Variants in CPT1B observed in about 807,000 individuals in gnomAD.
CPT1B encodes the protein carnitine palmitoyltransferase 1B.
Under a neutral mutation model 92.7 loss-of-function variants are expected in CPT1B, and 57 were observed. The ratio of observed to expected loss-of-function variants is 0.62; its 90% CI spans 0.50 to 0.77. CPT1B has a LOEUF of 0.77. Among genes scored for constraint, CPT1B ranks in the 30% least tolerant of loss-of-function variants. The pLI is 0.00. For missense variants in CPT1B, 983 were observed against 1,017.4 expected (o/e 0.97, Z 0.46); for synonymous variants, 398 against 383.5 (o/e 1.04, Z -0.44).
At chr22:50,577,489 T>A (rs774662034) in intron 2 of CPT1B, 26 bp from the exon 3 acceptor site, 1 of 1,612,170 alleles carries the variant, frequency 6.2e-7, no homozygotes, top group Non-Finnish European at 8.5e-7. Flanking sequence ...GGCGCCCTTA[T>A]GGAGCCGGAA....
rs1397436572 is a variant in CPT1B at position 50,577,046 on chromosome 22, G to A, written c.282-12C>T. ...GGTAGGGGCCACACCTATTGGAGAG[G>A]GGCAAGGGCTGCAGGGGGTCCTCTT... On this transcript the variant is annotated splice_polypyrimidine_tract_variant and intron_variant, in intron 3 of 19. Coordinates refer to ENST00000312108, the MANE Select transcript of CPT1B (RefSeq NM_152246.3). 5 of 1,613,056 alleles carry A rather than the reference G, an allele frequency of 3.1e-6. No individual in the cohort carries two copies. The highest frequency in any genetic ancestry group is 1.3e-5 in the African/African-American group (1 of 74,902).
chr22:50,569,837 T>C (rs1363831216), intron 17 of CPT1B, among the ~76,000 whole-genome samples, 169 bp from the exon 18 acceptor site: 2 of 152,186 alleles, frequency 1.3e-5, no homozygotes, highest in African/African-American at 4.8e-5. Flanking sequence ...AACCAAAGAA[T>C]GCTGCCCAGA....
Position 50,573,500 on chromosome 22 carries a change from C to T in CPT1B, c.1166+20G>A, listed in dbSNP as rs1417700091. ...GCCCTGAACTCAGGGTGGGGACAGT[C>T]CCTTCCTAGAGGCCAATACCTTCCT... On this transcript the variant is annotated intron_variant, in intron 10 of 19. Coordinates refer to ENST00000312108, the MANE Select transcript of CPT1B (RefSeq NM_152246.3). The surrounding 1 kb of genome is among the most constrained non-coding windows in gnomAD (Gnocchi z 5.0). 30 of 1,588,144 alleles carry T rather than the reference C, an allele frequency of 1.9e-5. No individual in the cohort carries two copies. The highest frequency in any genetic ancestry group is 2.6e-5 in the Non-Finnish European group (30 of 1,164,852).
intron 2 of CPT1B, 89 bp downstream of exon 2, chr22:50,577,686 G>A: frequency 5.2e-6 from 8 of 1,552,108 alleles, no homozygotes; most frequent in Non-Finnish European, 7.0e-6. Context: ...AGAAGTGCCA[G>A]CCAAGGAGGC....
chr22:50,572,279 G>A lies in CPT1B; in HGVS notation c.1382C>T (p.Ser461Phe). 1.9e-6 allele frequency: 3 copies of A among 1,613,840 alleles called. No homozygotes were observed. The highest frequency in any genetic ancestry group is 2.5e-6 in the Non-Finnish European group (3 of 1,179,852). ...RWFDKSFTLI[S>F]FKNGQLGLNA... ...GAGACCCAACTGGCCATTCTTGAAG[G>A]AAATGAGAGTGAAGGATTTGTCAAA... Residue 461 changes from serine to phenylalanine, a missense_variant, in exon 12 of 20, where the codon TCC becomes TTC. Ser to Phe is a radical substitution (Grantham distance 155). Coordinates refer to ENST00000312108, the MANE Select transcript of CPT1B (RefSeq NM_152246.3).
chr22:50,574,361 G>C lies in CPT1B; in HGVS notation c.944C>G (p.Thr315Ser), dbSNP rs201769569. 6 of 1,613,794 alleles carry C rather than the reference G, an allele frequency of 3.7e-6. No individual in the cohort carries two copies. Among genetic ancestry groups the C allele is most frequent in the South Asian group, 1.1e-5 (1 of 91,044 alleles). Reference sequence around the variant, plus strand: ...TGTGTCCTTGCCCGGGATCCGAGTGGTGTTGAACATCCTCTCCATCTGGTA... The same window carrying C: ...TGTGTCCTTGCCCGGGATCCGAGTGCTGTTGAACATCCTCTCCATCTGGTA... ...CSYQMERMFN[T>S]TRIPGKDTDV... The change falls in exon 9 of 20, where the codon ACC becomes AGC. Residue 315 changes from threonine to serine, a missense_variant. Coordinates refer to ENST00000312108, the MANE Select transcript of CPT1B (RefSeq NM_152246.3).
In CPT1B at chr22:50,570,985, C is replaced by A. The variant is rs767195024; in HGVS notation, c.1934G>T (p.Arg645Leu). 1.2e-6 allele frequency: 2 copies of A among 1,614,022 alleles called. No homozygotes were observed. The highest frequency in any genetic ancestry group is 3.3e-5 in the Admixed American group (2 of 60,032). ...GATCCCTGCCCCGGTCATGGCCAGG[C>A]GGTACATATTCTGGTGCTTCTTAGC... ...KAAKKHQNMY[R>L]LAMTGAGIDR... Residue 645 changes from arginine to leucine, a missense_variant, in exon 16 of 20, where the codon CGC (arginine) becomes CTC (leucine). Physicochemically the swap from Arg to Leu is moderately radical, Grantham distance 102. Transcript: ENST00000312108.
upstream of CPT1B, chr22:50,578,590 C>G (rs1396600681): frequency 6.3e-6 from 1 of 159,652 alleles, no homozygotes; most frequent in South Asian, 1.8e-4. Flanking sequence ...GGTTTCTGTG[C>G]GGTGAAGGTT....
Position 50,573,785 on chromosome 22 carries a change from T to C in CPT1B, c.971-70A>G. On this transcript the variant is annotated intron_variant, in intron 9 of 19. Coordinates refer to ENST00000312108, the MANE Select transcript of CPT1B (RefSeq NM_152246.3). This position sits in a 1 kb window ranked among gnomAD's most constrained non-coding sequence, Gnocchi z 5.0. Reference sequence around the variant, plus strand: ...CATCCTGGGAAGGGCCCACCTCCCATGCACTAGGTGACCCCTGCAGACCCT... The same window carrying C: ...CATCCTGGGAAGGGCCCACCTCCCACGCACTAGGTGACCCCTGCAGACCCT... The C allele has an allele frequency of 7.2e-7, 1 of 1,382,016 alleles. No homozygotes were observed. The highest frequency in any genetic ancestry group is 1.0e-6 in the Non-Finnish European group (1 of 987,790). The allele number at this position is 1,382,016 out of a possible 1,614,324, so 85.6% of individuals were successfully genotyped here. A position where few individuals can be genotyped will look rare whatever the true frequency, so the allele number is the denominator to read the frequency against.
intron 7 of CPT1B, chr22:50,575,126 G>C (rs1207141992): frequency 6.6e-6 from 1 of 152,216 alleles, no homozygotes; most frequent in Non-Finnish European, 1.5e-5. Flanking sequence ...CCATTTGCCT[G>C]CCTCAGCCTC....
At chr22:50,574,443 C>T (rs371063446) in intron 8 of CPT1B, 24 bp from the exon 9 acceptor site, 28 of 1,613,850 alleles carry the variant, frequency 1.7e-5, no homozygotes, top group Middle Eastern at 3.3e-4. Flanking sequence ...CAGCATGGCT[C>T]AGACTCAGGT....
At chr22:50,571,655 T>C (rs2070181207) in intron 13 of CPT1B, 116 bp from the exon 14 acceptor site, 1 of 1,170,430 alleles carries the variant, frequency 8.5e-7, no homozygotes, top group Admixed American at 2.1e-5. Context: ...GGCCAAGACA[T>C]CTTCAGGAGG....
chr22:50,577,084 G>T (rs745478153), intron 3 of CPT1B, 50 bp from the exon 4 acceptor site: 1 of 1,597,772 alleles, frequency 6.3e-7, no homozygotes, highest in South Asian at 1.1e-5. Flanking sequence ...GGCCAGCCTC[G>T]GGTGGCTGTG....
chr22:50,572,144 G>A, intron 12 of CPT1B, 22 bp from the exon 13 acceptor site: 1 of 1,611,894 alleles, frequency 6.2e-7, no homozygotes, highest in Non-Finnish European at 8.5e-7. Context: ...GGATGAGACT[G>A]AGAGGCTGGC....
At position 50,571,162 on chromosome 22, in the gene CPT1B, T is replaced by C. The variant is rs770998857; in HGVS notation, c.1871A>G (p.His624Arg). Residue 624 changes from histidine (H) to arginine (R), a missense_variant, in exon 15 of 20, where the codon CAC (histidine) becomes CGC (arginine). Transcript: ENST00000312108. Reference sequence around the variant, plus strand: ...ACATGGGCAGAGGACACTTACTGTGTGGGACCCCTCCATCATGGCCTGCAC... The same window carrying C: ...ACATGGGCAGAGGACACTTACTGTGCGGGACCCCTCCATCATGGCCTGCAC... ...AFVQAMMEGS[H>R]TKADLRDLFQ... 1 of 1,613,980 alleles carries C rather than the reference T, an allele frequency of 6.2e-7. No homozygotes were observed. Among genetic ancestry groups the C allele is most frequent in the East Asian group, 2.2e-5 (1 of 44,890 alleles).
chr22:50,573,501 C>T lies in CPT1B; in HGVS notation c.1166+19G>A. On this transcript the variant is annotated intron_variant, in intron 10 of 19. Transcript: ENST00000312108. The surrounding 1 kb of genome is among the most constrained non-coding windows in gnomAD (Gnocchi z 5.0). ...CCCTGAACTCAGGGTGGGGACAGTC[C>T]CTTCCTAGAGGCCAATACCTTCCTC... The T allele has an allele frequency of 1.3e-6, 2 of 1,588,746 alleles. No homozygotes were observed. The highest frequency in any genetic ancestry group is 1.1e-5 in the South Asian group (1 of 88,434).
intron 2 of CPT1B, among the ~76,000 whole-genome samples, 155 bp downstream of exon 2, chr22:50,577,620 C>T (rs1334012017): frequency 6.6e-6 from 1 of 152,256 alleles, no homozygotes; most frequent in African/African-American, 2.4e-5. Context: ...CTCCCTGTGT[C>T]CGACCACATC....
In CPT1B at chr22:50,577,865, G is replaced by A. The variant is rs199821148; in HGVS notation, c.51C>T (p.Asp17=). Reference sequence around the variant, plus strand: ...CCCGACTGAGCCGGAAGTCGACCCCGTCTGGGGTCACCGTGAACTGGAAGG... The same window carrying A: ...CCCGACTGAGCCGGAAGTCGACCCCATCTGGGGTCACCGTGAACTGGAAGG... ...AVAFQFTVTP[D]GVDFRLSREA... The change falls in exon 2 of 20, where the codon GAC becomes GAT. Residue 17 remains aspartate, a synonymous_variant. Coordinates refer to ENST00000312108, the MANE Select transcript of CPT1B (RefSeq NM_152246.3). The A allele has an allele frequency of 1.9e-6, 3 of 1,613,452 alleles. No homozygotes were observed. The highest frequency in any genetic ancestry group is 2.5e-6 in the Non-Finnish European group (3 of 1,179,792).
At chr22:50,577,527 C>T in intron 2 of CPT1B, 64 bp from the exon 3 acceptor site, 1 of 1,591,094 alleles carries the variant, frequency 6.3e-7, no homozygotes, top group South Asian at 1.1e-5. Context: ...CCTGTGAAGT[C>T]TTGGGAACTG....
Sources: gnomAD v4.1 joint callset for allele counts (sites outside exome capture counted in the v4.1 genomes callset) on GRCh38, gnomAD v4.1.1 for gene constraint, Gnocchi (gnomAD v3.1) non-coding constraint, MANE v1.5 for transcripts, NCBI Gene and HGNC (gene_info 2026-07-23, HGNC 2026-07-21) for gene names.